Variants in LIM2 observed in about 807,000 individuals in gnomAD.
The protein encoded by LIM2 is lens intrinsic membrane protein 2.
A neutral mutation model predicts 19.0 loss-of-function variants in LIM2; 14 were observed. The ratio of observed to expected loss-of-function variants is 0.74; its 90% CI spans 0.49 to 1.15. The LOEUF is 1.15. Among genes scored for constraint, LIM2 ranks in the 50% most tolerant of loss-of-function variants. The pLI, the probability that LIM2 is intolerant of heterozygous loss-of-function variation, is 0.00. For synonymous variants in LIM2, 78 were observed against 89.6 expected, an observed-to-expected ratio of 0.87 and a Z score of 0.73; for missense variants, 230 against 243.5, an observed-to-expected ratio of 0.94 and a Z score of 0.37.
At chr19:51,386,388 T>G (rs142208717) in intron 2 of LIM2, among the ~76,000 whole-genome samples, 2,586 of 150,670 alleles carry the variant, frequency 0.017, 70 homozygotes, top group African/African-American at 0.059. Context: ...CCTCCCGAAG[T>G]GCTGGGATTA....
chr19:51,383,848 G>A (rs1986964256), intron 2 of LIM2, among the ~76,000 whole-genome samples: 1 of 152,152 alleles, frequency 6.6e-6, no homozygotes, highest in Non-Finnish European at 1.5e-5. Context: ...TCTGTCTGCT[G>A]GAGCACCTGG....
rs183278491 is a variant in LIM2 at position 51,380,366 on chromosome 19, G to A, written c.461-104C>T. ...ACTCTCTTTCTCCCTGGGTATCCCC[G>A]ACCCCAGACTCCATAGGCCTGGAGT... On this transcript the variant is annotated intron_variant, in intron 4 of 4. Coordinates refer to ENST00000596399, the MANE Select transcript of LIM2 (RefSeq NM_001161748.2). The A allele has an allele frequency of 3.2e-4, 509 of 1,569,080 alleles. 1 individual carries two copies. In the African/African-American group the frequency reaches 5.9e-3, roughly 18 times the overall value.
At chr19:51,387,093 C>A in intron 2 of LIM2, 176 bp downstream of exon 2, 1 of 1,216,542 alleles carries the variant, frequency 8.2e-7, no homozygotes, top group East Asian at 2.5e-5. Context: ...GAAACTGCAG[C>A]TAGAAAACAA....
chr19:51,383,012 CT>C (rs112812484), intron 2 of LIM2, among the ~76,000 whole-genome samples: 49,013 of 127,314 alleles, frequency 0.38, 12,680 homozygotes, highest in African/African-American at 0.72. Context: ...TCTCACATTT[CT>C]TTTTTTTTCT....
intron 3 of LIM2, 138 bp from the exon 4 acceptor site, chr19:51,380,777 G>A (rs1162023497): frequency 4.0e-6 from 4 of 995,816 alleles, no homozygotes; most frequent in Non-Finnish European, 6.1e-6. Flanking sequence ...GGATAGGAGT[G>A]AGGATAGGGG....
At chr19:51,381,637 G>C (rs1171594238) in intron 3 of LIM2, among the ~76,000 whole-genome samples, 15 of 152,144 alleles carry the variant, frequency 9.9e-5, no homozygotes, top group Admixed American at 9.8e-4. Flanking sequence ...TTGGACCTGA[G>C]TTGTGTCCTC....
chr19:51,383,746 G>A (rs1395328311), intron 2 of LIM2, among the ~76,000 whole-genome samples: 1 of 152,186 alleles, frequency 6.6e-6, no homozygotes, highest in East Asian at 1.9e-4. Flanking sequence ...GGCCCAGAGA[G>A]GTAAAGTGAC....
rs544064578 is a variant in LIM2, at chr19:51,382,454, G to A, written c.289C>T (p.Arg97Trp). 4.3e-5 allele frequency: 70 copies of A among 1,613,928 alleles called. No individual in the cohort carries two copies. The highest frequency in any genetic ancestry group is 1.1e-4 in the East Asian group (5 of 44,852). Residue 97 changes from arginine to tryptophan, a missense_variant, in exon 3 of 5, where the codon CGG becomes TGG. Physicochemically the swap from Arg to Trp is moderately radical, Grantham distance 101. Transcript: ENST00000596399. The stretch of plus-strand genomic sequence containing the variant: ...AACATGATGCCAGCAGAGAAGGGCC[G>A]GGAGATGCGGGAGAAGGTAGGCTGA... ...AHQPTFSRIS[R>W]PFSAGIMFFS... is the part of the protein sequence containing the mutation.
In LIM2 at chr19:51,380,021, G is replaced by A; in HGVS notation, c.*180C>T. ...TGAGTCTTCTCAGCTCCCTCCCATGGGCCCTATTCTTCCTCCTTCCAGCCT... is the reference window on the plus strand; with the variant it reads ...TGAGTCTTCTCAGCTCCCTCCCATGAGCCCTATTCTTCCTCCTTCCAGCCT... On this transcript the variant is annotated 3_prime_UTR_variant, in exon 5 of 5. Transcript: ENST00000596399. The A allele has an allele frequency of 3.1e-6, 2 of 643,384 alleles. No homozygotes were observed. The highest frequency in any genetic ancestry group is 2.8e-6 in the Non-Finnish European group (1 of 360,070). The allele number at this position is 643,384 out of a possible 1,614,324, so 39.9% of individuals were successfully genotyped here. A position where few individuals can be genotyped will look rare whatever the true frequency, so the allele number is the denominator to read the frequency against.
chr19:51,380,175 G>C lies in LIM2; in HGVS notation c.*26C>G, dbSNP rs758921368. 6.2e-6 allele frequency: 10 copies of C among 1,608,560 alleles called. No individual in the cohort carries two copies. The highest frequency in any genetic ancestry group is 8.5e-6 in the Non-Finnish European group (10 of 1,175,538). On this transcript the variant is annotated 3_prime_UTR_variant, in exon 5 of 5. Coordinates refer to ENST00000596399, the MANE Select transcript of LIM2 (RefSeq NM_001161748.2). ...TTCAGTGGCCTCACTTTAACTTCCAGATGAAGTTGGGGGACACATTTGGGC... is the reference window on the plus strand; with the variant it reads ...TTCAGTGGCCTCACTTTAACTTCCACATGAAGTTGGGGGACACATTTGGGC...
Position 51,380,143 on chromosome 19 carries a change from C to T in LIM2, c.*58G>A, listed in dbSNP as rs569373539. The T allele has an allele frequency of 4.7e-4, 722 of 1,525,508 alleles. 7 individuals are homozygous for T. The South Asian group carries it at 7.0e-3, about 15-fold the overall frequency. 94.5% of individuals were successfully genotyped at this position (1,525,508 alleles called of 1,614,324 possible). A position where few individuals can be genotyped will look rare whatever the true frequency, so the allele number is the denominator to read the frequency against. ...GGATTTCAGGCCTCTAGACCCTCCT[C>T]CTCCTCTTCAGTGGCCTCACTTTAA... On this transcript the variant is annotated 3_prime_UTR_variant, in exon 5 of 5. Transcript: ENST00000596399.
chr19:51,381,765 G>A (rs531443120), intron 3 of LIM2, among the ~76,000 whole-genome samples: 10 of 152,120 alleles, frequency 6.6e-5, no homozygotes, highest in African/African-American at 1.7e-4. Flanking sequence ...TCGCTCTGTC[G>A]CCCAGGCTGG....
rs143703704 is a variant in LIM2, at chr19:51,385,711, A to T, written c.175+1558T>A. Among the ~76,000 whole-genome samples the T allele has an allele frequency of 2.6e-3, 403 of 152,280 alleles. 2 individuals carry two copies. Among genetic ancestry groups the T allele is most frequent in the African/African-American group, 8.8e-3 (365 of 41,548 alleles). On this transcript the variant is annotated intron_variant, in intron 2 of 4. Coordinates refer to ENST00000596399, the MANE Select transcript of LIM2 (RefSeq NM_001161748.2). ...AATGAGACAGCCAGAAAGGAGAAGG[A>T]TGTGTGGAGTCAGGCAGAGCGGACT...
In LIM2 at chr19:51,380,022, G is replaced by A; in HGVS notation, c.*179C>T. On this transcript the variant is annotated 3_prime_UTR_variant, in exon 5 of 5. Transcript: ENST00000596399. Reference sequence around the variant, plus strand: ...GAGTCTTCTCAGCTCCCTCCCATGGGCCCTATTCTTCCTCCTTCCAGCCTA... The same window carrying A: ...GAGTCTTCTCAGCTCCCTCCCATGGACCCTATTCTTCCTCCTTCCAGCCTA... 1.5e-6 allele frequency: 1 copy of A among 650,194 alleles called. No homozygotes were observed. The highest frequency in any genetic ancestry group is 2.8e-6 in the Non-Finnish European group (1 of 363,020). The allele number at this position is 650,194 out of a possible 1,614,324, so 40.3% of individuals were successfully genotyped here.
chr19:51,381,604 G>GCC (rs1295243323), intron 3 of LIM2, among the ~76,000 whole-genome samples: 1 of 152,146 alleles, frequency 6.6e-6, no homozygotes, highest in Non-Finnish European at 1.5e-5. Context: ...CCTAGACTCT[G>GCC]CCCTCTGTGT....
chr19:51,385,071 A>T (rs1986998522), intron 2 of LIM2, among the ~76,000 whole-genome samples: 1 of 151,770 alleles, frequency 6.6e-6, no homozygotes, highest in South Asian at 2.1e-4. Context: ...TACGTTGCAC[A>T]GGCTGGTCTC....
intron 2 of LIM2, among the ~76,000 whole-genome samples, chr19:51,384,201 C>A (rs1986971817): frequency 6.6e-6 from 1 of 152,134 alleles, no homozygotes; most frequent in Admixed American, 6.5e-5. Flanking sequence ...GAAGCCAAGG[C>A]AGGTGGATCA....
At chr19:51,381,631 A>G (rs1986894336) in intron 3 of LIM2, among the ~76,000 whole-genome samples, 1 of 152,086 alleles carries the variant, frequency 6.6e-6, no homozygotes, top group Non-Finnish European at 1.5e-5. Context: ...ATTTGCTTGG[A>G]CCTGAGTTGT....
At chr19:51,386,058 A>T (rs1258706679) in intron 2 of LIM2, among the ~76,000 whole-genome samples, 1 of 152,188 alleles carries the variant, frequency 6.6e-6, no homozygotes, top group African/African-American at 2.4e-5. Flanking sequence ...GTAAGCACTC[A>T]ATCAATGCCA....
Sources: allele counts gnomAD v4.1 joint callset (sites outside exome capture counted in the v4.1 genomes callset), GRCh38; gene constraint gnomAD v4.1.1; transcripts MANE v1.5; gene names NCBI Gene and HGNC (gene_info 2026-07-23, HGNC 2026-07-21).